Variants in UNC80 observed in about 807,000 individuals in gnomAD.
UNC80 encodes unc-80 subunit of NALCN channel complex.
Under a neutral mutation model 384.6 loss-of-function variants are expected in UNC80, and 164 were observed. The observed-to-expected ratio is 0.43, with a 90% CI of 0.38 to 0.49. UNC80 has a LOEUF of 0.49. Ranked by LOEUF, UNC80 falls within the 20% of genes least tolerant of loss-of-function variation. The pLI is 0.00. For synonymous variants in UNC80, 1,486 were observed against 1,527.8 expected (o/e 0.97, Z 0.64); for missense variants, 3,330 against 4,143.0 (o/e 0.80, Z 5.39).
chr2:209,986,586 G>A (rs757879511), intron 61 of UNC80, among the ~76,000 whole-genome samples: 3 of 152,182 alleles, frequency 2.0e-5, no homozygotes, highest in Non-Finnish European at 4.4e-5. Context: ...GTCAGTCATG[G>A]TAGTACTTTG....
Position 209,964,899 on chromosome 2 carries a change from A to C in UNC80, c.7806-2538A>C, listed in dbSNP as rs183134243. 2.8e-5 allele frequency among the ~76,000 whole-genome samples: 4 copies of C among 142,416 alleles called. No homozygotes were observed. The South Asian group carries it at 1.1e-3, about 40-fold the overall frequency. 93.4% of individuals were successfully genotyped at this position (142,416 alleles called of 152,430 possible). On this transcript the variant is annotated intron_variant, in intron 51 of 64. Coordinates refer to ENST00000673920, the MANE Select transcript of UNC80 (RefSeq NM_001371986.1). ...GGGCCTTATTTTTTCCTAATTTGTTAAAAAAAAGTAATTATGAGATAATGT... is the reference window on the plus strand; with the variant it reads ...GGGCCTTATTTTTTCCTAATTTGTTCAAAAAAAGTAATTATGAGATAATGT...
At chr2:209,818,910 A>G (rs1274751207) in intron 11 of UNC80, 83 bp from the exon 12 acceptor site, 15 of 1,417,952 alleles carry the variant, frequency 1.1e-5, no homozygotes, top group African/African-American at 1.4e-5. Context: ...TATTGTGGTC[A>G]TGATTGAAGT....
Position 209,959,664 on chromosome 2 carries a change from C to T in UNC80, c.7762C>T (p.Arg2588Trp), listed in dbSNP as rs1176038699. 3 of 1,551,510 alleles carry T rather than the reference C, an allele frequency of 1.9e-6. No individual in the cohort carries two copies. Among genetic ancestry groups the T allele is most frequent in the Non-Finnish European group, 2.6e-6 (3 of 1,146,990 alleles). Residue 2588 changes from arginine (R) to tryptophan (W), a missense_variant, in exon 51 of 65, where the codon CGG becomes TGG. Arg to Trp is a moderately radical substitution (Grantham distance 101). Coordinates refer to ENST00000673920, the MANE Select transcript of UNC80 (RefSeq NM_001371986.1). ...KILQNLAGEPRVIALELLDVK... is the reference protein window; with the variant it reads ...KILQNLAGEPWVIALELLDVK... ...CTTGCAAAATCTGGCTGGGGAGCCT[C>T]GGGTCATTGCCTTGGAACTGCTGGA...
intron 4 of UNC80, among the ~76,000 whole-genome samples, chr2:209,783,439 C>T (rs763681706): frequency 3.3e-5 from 5 of 152,108 alleles, no homozygotes; most frequent in African/African-American, 4.8e-5. Context: ...ACAGGTGCTA[C>T]AGGCATTCAG....
At chr2:209,840,852 T>A (rs1420167665) in intron 20 of UNC80, among the ~76,000 whole-genome samples, 1 of 152,194 alleles carries the variant, frequency 6.6e-6, no homozygotes, top group Non-Finnish European at 1.5e-5. Context: ...AAAAGAAAAG[T>A]GTGGTCAAAA....
chr2:209,995,387 C>A lies in UNC80; in HGVS notation c.9767C>A (p.Ala3256Asp), dbSNP rs1416906574. The A allele has an allele frequency of 6.4e-7, 1 of 1,552,000 alleles. No individual in the cohort carries two copies. The highest frequency in any genetic ancestry group is 8.7e-7 in the Non-Finnish European group (1 of 1,147,094). ...EKEEDTEAQGATAHSPLSAQL... is the reference protein window; with the variant it reads ...EKEEDTEAQGDTAHSPLSAQL... ...GAGGAGGACACAGAAGCACAAGGTGCTACTGCACACAGTCCACTCTCTGCC... is the reference window on the plus strand; with the variant it reads ...GAGGAGGACACAGAAGCACAAGGTGATACTGCACACAGTCCACTCTCTGCC... The change falls in exon 65 of 65, where the codon GCT becomes GAT. Residue 3256 changes from alanine (A) to aspartate (D), a missense_variant. Physicochemically the swap from Ala to Asp is moderately radical, Grantham distance 126 (BLOSUM62 -2). Around this residue, in one of 8 missense-constraint regions of UNC80, gnomAD observed 236 missense variants for 254.9 expected, o/e 0.93. Transcript: ENST00000673920.
At chr2:209,961,297 T>C (rs2092584122) in intron 51 of UNC80, 1 of 152,142 alleles carries the variant, frequency 6.6e-6, no homozygotes, top group Non-Finnish European at 1.5e-5. Context: ...ACACAATAGA[T>C]ACTAATGCTA....
chr2:209,941,619 A>G (rs2091638278), intron 44 of UNC80, 130 bp downstream of exon 44: 1 of 1,093,412 alleles, frequency 9.1e-7, no homozygotes, highest in Admixed American at 3.3e-5. Flanking sequence ...ACAGAAGGCA[A>G]CAAATGAAAT....
intron 55 of UNC80, 132 bp from the exon 56 acceptor site, chr2:209,972,932 T>C (rs1440826836): frequency 5.2e-6 from 4 of 772,662 alleles, no homozygotes; most frequent in East Asian, 5.4e-5. Context: ...CTGTACTTGA[T>C]GGGAAACACC....
chr2:209,992,251 A>G lies in UNC80; in HGVS notation c.9396+4A>G. 6.4e-7 allele frequency: 1 copy of G among 1,551,262 alleles called. No homozygotes were observed. The highest frequency in any genetic ancestry group is 8.7e-7 in the Non-Finnish European group (1 of 1,146,724). The stretch of plus-strand genomic sequence containing the variant: ...GAGGAAGAGGGGCCTGAGGCAGGTA[A>G]GTAGACCCTTAAAGCGCAAGAGAAC... On this transcript the variant is annotated splice_donor_region_variant and intron_variant, in intron 62 of 64. Coordinates refer to ENST00000673920, the MANE Select transcript of UNC80 (RefSeq NM_001371986.1).
rs774199606 is a variant in UNC80, at chr2:209,976,998, G to C, written c.8858G>C (p.Arg2953Pro). 1 of 1,539,066 alleles carries C rather than the reference G, an allele frequency of 6.5e-7. No individual in the cohort carries two copies. Among genetic ancestry groups the C allele is most frequent in the Admixed American group, 2.0e-5 (1 of 50,870 alleles). The change falls in exon 58 of 65, where the codon CGC (arginine) becomes CCC (proline). Residue 2953 changes from arginine to proline, a missense_variant. Arg to Pro is a moderately radical substitution (Grantham distance 103). Around this residue, in one of 8 missense-constraint regions of UNC80, gnomAD observed 216 missense variants for 245.3 expected, o/e 0.88. Coordinates refer to ENST00000673920, the MANE Select transcript of UNC80 (RefSeq NM_001371986.1). This position sits in a 1 kb window ranked among gnomAD's most constrained non-coding sequence, Gnocchi z 4.3. ...ADQLERRFIP[R>P]PLCKSSLIAE... is the part of the protein sequence containing the mutation. ...CAGCTGGAGCGGCGCTTCATACCAC[G>C]CCCTTTGTGTAAGAGCTCGCTCATT...
intron 7 of UNC80, among the ~76,000 whole-genome samples, chr2:209,810,606 T>C (rs558959048): frequency 6.6e-6 from 1 of 152,300 alleles, no homozygotes; most frequent in East Asian, 1.9e-4. Context: ...GGTTCATGGT[T>C]ATCTCATATG....
chr2:209,933,446 C>T (rs1410506399), intron 38 of UNC80, among the ~76,000 whole-genome samples: 1 of 151,352 alleles, frequency 6.6e-6, no homozygotes, highest in East Asian at 2.0e-4. Flanking sequence ...GCAGTGTGCT[C>T]TTAGGTTTGA....
chr2:209,840,689 C>T, intron 20 of UNC80, 41 bp downstream of exon 20: 2 of 1,488,320 alleles, frequency 1.3e-6, no homozygotes, highest in South Asian at 2.4e-5. Context: ...GTTGAAGTCG[C>T]TGATACAAAC....
chr2:209,956,039 C>T (rs963298454), intron 48 of UNC80, among the ~76,000 whole-genome samples: 3 of 151,948 alleles, frequency 2.0e-5, no homozygotes, highest in African/African-American at 7.3e-5. Context: ...CCACCATACT[C>T]AGCCTATTTC....
rs1230386183 is a variant in UNC80 at position 209,976,077 on chromosome 2, C to G, written c.8588-42C>G. 3 of 1,517,504 alleles carry G rather than the reference C, an allele frequency of 2.0e-6. No homozygotes were observed. In the East Asian group the frequency reaches 7.4e-5, roughly 37 times the overall value. 94.0% of individuals were successfully genotyped at this position (1,517,504 alleles called of 1,614,324 possible). On this transcript the variant is annotated intron_variant, in intron 56 of 64. Coordinates refer to ENST00000673920, the MANE Select transcript of UNC80 (RefSeq NM_001371986.1). The surrounding 1 kb of genome is among the most constrained non-coding windows in gnomAD (Gnocchi z 4.3). ...GGATGTAGGTTGGGTTCCTCGGAAG[C>G]ACACGTCCGCAGGCTCATTTTTCTC...
intron 52 of UNC80, chr2:209,969,489 C>T (rs2092822524): frequency 2.3e-6 from 1 of 433,120 alleles, no homozygotes. Context: ...TCTTAGGACC[C>T]TCTGTCAAAG....
chr2:209,995,188 G>A, intron 64 of UNC80, 141 bp from the exon 65 acceptor site: 1 of 1,090,434 alleles, frequency 9.2e-7, no homozygotes, highest in Admixed American at 2.8e-5. Flanking sequence ...GCCTACGTAA[G>A]GTCCTACCTA....
chr2:209,790,629 A>G (rs916635689), intron 6 of UNC80, among the ~76,000 whole-genome samples: 1 of 152,178 alleles, frequency 6.6e-6, no homozygotes, highest in Non-Finnish European at 1.5e-5. Context: ...GATTATAAGC[A>G]TATGTCAGAG....
Sources: allele counts gnomAD v4.1 joint callset (sites outside exome capture counted in the v4.1 genomes callset), GRCh38; gene constraint gnomAD v4.1.1; regional missense constraint gnomAD v4.1.1; non-coding constraint Gnocchi (gnomAD v3.1); transcripts MANE v1.5; gene names NCBI Gene and HGNC (gene_info 2026-07-23, HGNC 2026-07-21).